Variants in DMAC2 observed in about 807,000 individuals in gnomAD.
The protein encoded by DMAC2 is distal membrane arm assembly component 2, also known as distal membrane-arm assembly complex protein 2.
A neutral mutation model predicts 29.6 loss-of-function variants in DMAC2; 32 were observed. The observed-to-expected ratio is 1.08, with a 90% CI of 0.81 to 1.45. The LOEUF is 1.45. DMAC2 is among the 40% of genes most tolerant of loss of function. DMAC2 has a pLI of 0.00. For synonymous variants in DMAC2, 133 were observed against 137.4 expected, an observed-to-expected ratio of 0.97 and a Z score of 0.23; for missense variants, 319 against 340.0, an observed-to-expected ratio of 0.94 and a Z score of 0.49.
intron 1 of DMAC2, chr19:41,439,604 T>C: frequency 2.0e-6 from 3 of 1,506,070 alleles, no homozygotes; most frequent in Admixed American, 4.2e-5. Flanking sequence ...GATTGGTTAG[T>C]CGCGTCGCTC....
At chr19:41,437,258 T>C (rs577624706) in intron 2 of DMAC2, among the ~76,000 whole-genome samples, 8 of 151,198 alleles carry the variant, frequency 5.3e-5, no homozygotes, top group African/African-American at 1.9e-4. Context: ...AAATTAGGTG[T>C]GGTGGCGCCT....
Position 41,435,159 on chromosome 19 carries a change from G to C in DMAC2, c.296+1233C>G, listed in dbSNP as rs1555770829. On this transcript the variant is annotated intron_variant, in intron 3 of 5. Transcript: ENST00000221943. The stretch of plus-strand genomic sequence containing the variant: ...CATGCCTGGGTAATTTTGTATTTTG[G>C]TAGAGACGAGGTTTCACTATGTTGC... Among the ~76,000 whole-genome samples the C allele has an allele frequency of 2.6e-5, 4 of 152,120 alleles. No individual in the cohort carries two copies. In the South Asian group the frequency reaches 8.3e-4, roughly 32 times the overall value.
At chr19:41,439,617 C>T in intron 1 of DMAC2, 1 of 1,478,168 alleles carries the variant, frequency 6.8e-7, no homozygotes, top group Non-Finnish European at 9.1e-7. Context: ...CGTCGCTCTT[C>T]GGCAGCCACT....
intron 3 of DMAC2, 34 bp downstream of exon 3, chr19:41,436,358 G>A (rs938103215): frequency 1.3e-6 from 2 of 1,591,758 alleles, no homozygotes; most frequent in Non-Finnish European, 1.7e-6. Flanking sequence ...CCCACCACCT[G>A]CCCCAGCCCG....
intron 5 of DMAC2, 161 bp downstream of exon 5, chr19:41,433,111 C>G (rs2039660955): frequency 5.2e-6 from 4 of 765,694 alleles, no homozygotes; most frequent in Non-Finnish European, 8.0e-6. Context: ...CTTCCAGAGA[C>G]TCACTGTGAC....
At chr19:41,432,444 A>C (rs782350124) in intron 5 of DMAC2, 36 bp from the exon 6 acceptor site, 12 of 1,604,242 alleles carry the variant, frequency 7.5e-6, no homozygotes, top group Non-Finnish European at 1.0e-5. Context: ...AGCCAGTGTA[A>C]GGACAGCATG....
rs149102482 is a variant in DMAC2, at chr19:41,432,568, CGTGTGTGTGT to C, written c.597-170_597-161del. ...ATAGGGAGGTACAGGACAGTGTGTG[CGTGTGTGTGT>C]GTGTGTGTGTATAGGGAGGTAAGCC... On this transcript the variant is annotated intron_variant, in intron 5 of 5. Transcript: ENST00000221943. 659 of 520,180 alleles carry C rather than the reference CGTGTGTGTGT, an allele frequency of 1.3e-3. 4 individuals are homozygous for C. The highest frequency in any genetic ancestry group is 8.6e-3 in the South Asian group (410 of 47,946). 32.2% of individuals were successfully genotyped at this position (520,180 alleles called of 1,614,324 possible). A position where few individuals can be genotyped will look rare whatever the true frequency, so the allele number is the denominator to read the frequency against.
At chr19:41,437,399 CA>C (rs1226593266) in intron 2 of DMAC2, among the ~76,000 whole-genome samples, 7 of 148,096 alleles carry the variant, frequency 4.7e-5, no homozygotes, top group African/African-American at 1.8e-4. Flanking sequence ...CTGTCTCAAA[CA>C]AAACAAAACA....
In DMAC2 at chr19:41,432,150, T is replaced by A; in HGVS notation, c.*81A>T. 1 of 1,500,130 alleles carries A rather than the reference T, an allele frequency of 6.7e-7. No individual in the cohort carries two copies. Among genetic ancestry groups the A allele is most frequent in the Non-Finnish European group, 9.1e-7 (1 of 1,100,474 alleles). 92.9% of individuals were successfully genotyped at this position (1,500,130 alleles called of 1,614,324 possible). On this transcript the variant is annotated 3_prime_UTR_variant, in exon 6 of 6. Coordinates refer to ENST00000221943, the MANE Select transcript of DMAC2 (RefSeq NM_018035.3). ...CACCCTGACGTTGAGTGAAGACAAA[T>A]GGAAGCCAGAAGTGTGGTGAGCTAC...
At chr19:41,435,452 T>C (rs782098519) in intron 3 of DMAC2, among the ~76,000 whole-genome samples, 5 of 152,132 alleles carry the variant, frequency 3.3e-5, no homozygotes, top group Non-Finnish European at 5.9e-5. Context: ...GTATTTTTAG[T>C]GGAGACAGGG....
intron 1 of DMAC2, 44 bp downstream of exon 1, chr19:41,439,838 G>C (rs782477559): frequency 2.5e-6 from 4 of 1,613,900 alleles, no homozygotes; most frequent in African/African-American, 2.7e-5. Flanking sequence ...GGAGGCTGTA[G>C]AGCGGACTTC....
In DMAC2 at chr19:41,433,638, T is replaced by C. The variant is rs148919104; in HGVS notation, c.332A>G (p.Tyr111Cys). 1.1e-4 allele frequency: 173 copies of C among 1,614,046 alleles called. No homozygotes were observed. The highest frequency in any genetic ancestry group is 1.4e-4 in the Non-Finnish European group (168 of 1,180,022). Reference sequence around the variant, plus strand: ...CCAGAACTCCTGAGAGAAATGGCCATACTTATCTGGCCTGATCCACTCCTT... The same window carrying C: ...CCAGAACTCCTGAGAGAAATGGCCACACTTATCTGGCCTGATCCACTCCTT... ...RDKEWIRPDK[Y>C]GHFSQEFWNF... The change falls in exon 4 of 6, where the codon TAT becomes TGT. Residue 111 changes from tyrosine (Y) to cysteine (C), a missense_variant. By Grantham distance (194) the Tyr-to-Cys change is radical (BLOSUM62 -2). Coordinates refer to ENST00000221943, the MANE Select transcript of DMAC2 (RefSeq NM_018035.3).
Position 41,431,379 on chromosome 19 carries a change from TG to T in DMAC2, c.*851del, listed in dbSNP as rs1555768673. On this transcript the variant is annotated 3_prime_UTR_variant, in exon 6 of 6. Coordinates refer to ENST00000221943, the MANE Select transcript of DMAC2 (RefSeq NM_018035.3). ...TGGCTTTAACAGTGAACTGGAATAA[TG>T]AGGGCTTCACTGGTAAAATGCTTCT... is the stretch of plus-strand genomic sequence containing the variant. 2.0e-6 allele frequency: 1 copy of T among 505,468 alleles called. No homozygotes were observed. Among genetic ancestry groups the T allele is most frequent in the African/African-American group, 1.9e-5 (1 of 51,558 alleles). The allele number at this position is 505,468 out of a possible 1,614,324, so 31.3% of individuals were successfully genotyped here.
chr19:41,434,741 C>T (rs1555770722), intron 3 of DMAC2, among the ~76,000 whole-genome samples: 1 of 152,106 alleles, frequency 6.6e-6, no homozygotes, highest in African/African-American at 2.4e-5. Flanking sequence ...CAGTGGCTCA[C>T]GCCTGTAATC....
In DMAC2 at chr19:41,438,347, A is replaced by G; in HGVS notation, c.86T>C (p.Val29Ala). Residue 29 changes from valine to alanine, a missense_variant, in exon 2 of 6, where the codon GTG becomes GCG. By Grantham distance (64) the Val-to-Ala change is moderately conservative. Coordinates refer to ENST00000221943, the MANE Select transcript of DMAC2 (RefSeq NM_018035.3). ...CTTCTTCTGATTGCCCTCTGGGGCCACTGCCGCACCCAGGCGATGGATGCC... is the reference window on the plus strand; with the variant it reads ...CTTCTTCTGATTGCCCTCTGGGGCCGCTGCCGCACCCAGGCGATGGATGCC... ...IRGIHRLGAAVAPEGNQKKKR... is the reference protein window; with the variant it reads ...IRGIHRLGAAAAPEGNQKKKR... 1 of 1,614,220 alleles carries G rather than the reference A, an allele frequency of 6.2e-7. No homozygotes were observed. The highest frequency in any genetic ancestry group is 8.5e-7 in the Non-Finnish European group (1 of 1,180,030).
Position 41,433,400 on chromosome 19 carries a change from C to G in DMAC2, c.468G>C (p.Gln156His). 3 of 1,613,612 alleles carry G rather than the reference C, an allele frequency of 1.9e-6. No individual in the cohort carries two copies. Among genetic ancestry groups the G allele is most frequent in the Non-Finnish European group, 2.5e-6 (3 of 1,179,866 alleles). Residue 156 changes from glutamine (Q) to histidine (H), a missense_variant, in exon 5 of 6, where the codon CAG becomes CAC. Transcript: ENST00000221943. ...ACCAGTCGTCCACGTGGCAGCAGCG[C>G]TGCAGCGACAAGGACTGGAGCTCCT... ...RLKELQSLSL[Q>H]RCCHVDDWCL... is the part of the protein sequence containing the mutation.
At chr19:41,435,198 G>C (rs530497989) in intron 3 of DMAC2, among the ~76,000 whole-genome samples, 304 of 152,026 alleles carry the variant, frequency 2.0e-3, no homozygotes, top group Non-Finnish European at 3.6e-3. Context: ...GGCTGGTCTT[G>C]AACTCCTGGG....
chr19:41,436,204 G>A (rs561885323), intron 3 of DMAC2, among the ~76,000 whole-genome samples, 188 bp downstream of exon 3: 1 of 152,274 alleles, frequency 6.6e-6, no homozygotes, highest in African/African-American at 2.4e-5. Context: ...CAAACCTTGT[G>A]GGTTAGAAAT....
At position 41,439,465 on chromosome 19, in the gene DMAC2, T is replaced by C. The variant is rs1317283334; in HGVS notation, c.18+417A>G. 5 of 1,536,124 alleles carry C rather than the reference T, an allele frequency of 3.3e-6. No individual in the cohort carries two copies. In the Admixed American group the frequency reaches 5.9e-5, roughly 18 times the overall value. On this transcript the variant is annotated intron_variant, in intron 1 of 5. Coordinates refer to ENST00000221943, the MANE Select transcript of DMAC2 (RefSeq NM_018035.3). Reference sequence around the variant, plus strand: ...AAAAATTCGTCAATCTCCCACTAACTTTCCTTACATTCATCCTTCGGTCTT... The same window carrying C: ...AAAAATTCGTCAATCTCCCACTAACCTTCCTTACATTCATCCTTCGGTCTT...
Sources: allele counts gnomAD v4.1 joint callset (sites outside exome capture counted in the v4.1 genomes callset), GRCh38; gene constraint gnomAD v4.1.1; transcripts MANE v1.5; gene names NCBI Gene and HGNC (gene_info 2026-07-23, HGNC 2026-07-21).